SPRED2: variants seen among roughly 807,000 people sequenced by gnomAD.
SPRED2 encodes sprouty related EVH1 domain containing 2, also known as sprouty-related, EVH1 domain-containing protein 2.
A neutral mutation model predicts 43.0 loss-of-function variants in SPRED2; 47 were observed. The observed-to-expected ratio is 1.09, with a 90% CI of 0.87 to 1.40. SPRED2 has a LOEUF of 1.40. Ranked by LOEUF, SPRED2 falls within the 40% of genes most tolerant of loss-of-function variation. The pLI, the probability that SPRED2 is intolerant of heterozygous loss-of-function variation, is 0.00. For missense variants in SPRED2, 561 were observed against 586.4 expected (o/e 0.96, Z 0.45); for synonymous variants, 225 against 225.7 (o/e 1.00, Z 0.03).
At chr2:65,309,414 G>C (rs928837824), downstream of SPRED2, among the ~76,000 whole-genome samples, 1 of 149,462 alleles carries the variant, frequency 6.7e-6, no homozygotes, top group African/African-American at 2.5e-5. Flanking sequence ...GATAAGGTGG[G>C]AGAATCACTT....
intron 4 of SPRED2, among the ~76,000 whole-genome samples, chr2:65,319,863 G>C (rs1027990429): frequency 2.0e-5 from 3 of 152,198 alleles, no homozygotes; most frequent in African/African-American, 7.2e-5. Context: ...GTCACTGGCA[G>C]AGCTGGGACT....
chr2:65,383,228 A>G (rs1317957669), intron 1 of SPRED2, among the ~76,000 whole-genome samples: 1 of 152,186 alleles, frequency 6.6e-6, no homozygotes, highest in African/African-American at 2.4e-5. Context: ...ATACTTGTCT[A>G]TCAGGTCTGA....
chr2:65,428,838 C>T (rs150754613), intron 1 of SPRED2, among the ~76,000 whole-genome samples: 212 of 152,318 alleles, frequency 1.4e-3, no homozygotes, highest in African/African-American at 4.7e-3. Flanking sequence ...CATGATCAAA[C>T]GCTTTAAAGA....
intron 1 of SPRED2, among the ~76,000 whole-genome samples, chr2:65,376,334 C>T (rs1216096043): frequency 6.6e-6 from 1 of 152,316 alleles, no homozygotes; most frequent in East Asian, 1.9e-4. Flanking sequence ...AGAGCAGATT[C>T]TGGACTGTTT....
intron 2 of SPRED2, 146 bp from the exon 3 acceptor site, chr2:65,334,919 T>C: frequency 1.3e-6 from 1 of 780,992 alleles, no homozygotes; most frequent in Non-Finnish European, 2.1e-6. Context: ...GTCTCTCCAA[T>C]GGGAAAGGAG....
intron 4 of SPRED2, among the ~76,000 whole-genome samples, chr2:65,325,020 A>G (rs917790630): frequency 3.9e-5 from 6 of 152,222 alleles, no homozygotes; most frequent in African/African-American, 1.2e-4. Context: ...TGTTTTCTCA[A>G]GGACACTTGG....
At chr2:65,338,298 T>G (rs1448731273) in intron 2 of SPRED2, among the ~76,000 whole-genome samples, 1 of 81,882 alleles carries the variant, frequency 1.2e-5, no homozygotes, top group African/African-American at 3.8e-5. Flanking sequence ...TCCCTCTCCC[T>G]CTCCCGTCTC....
intron 1 of SPRED2, among the ~76,000 whole-genome samples, chr2:65,428,851 G>C (rs1676613084): frequency 6.6e-6 from 1 of 152,206 alleles, no homozygotes; most frequent in Non-Finnish European, 1.5e-5. Context: ...TTTAAAGATA[G>C]TGACAAAATA....
At chr2:65,401,974 C>CA (rs1572895534) in intron 1 of SPRED2, among the ~76,000 whole-genome samples, 1 of 128,556 alleles carries the variant, frequency 7.8e-6, no homozygotes, top group Non-Finnish European at 1.9e-5. Context: ...CACACACACA[C>CA]CTGTTAATTT....
intron 1 of SPRED2, among the ~76,000 whole-genome samples, chr2:65,428,152 C>T (rs1247851676): frequency 6.6e-6 from 1 of 152,168 alleles, no homozygotes; most frequent in African/African-American, 2.4e-5. Flanking sequence ...TATCTCAGTG[C>T]CCTGCAAAGA....
chr2:65,330,890 C>G (rs1572843989), intron 4 of SPRED2, among the ~76,000 whole-genome samples: 1 of 152,112 alleles, frequency 6.6e-6, no homozygotes, highest in African/African-American at 2.4e-5. Flanking sequence ...AATGTTACAA[C>G]AGCTGAATGT....
chr2:65,402,323 C>T (rs899151873), intron 1 of SPRED2, among the ~76,000 whole-genome samples: 11 of 143,548 alleles, frequency 7.7e-5, no homozygotes, highest in Non-Finnish European at 1.7e-4. Context: ...CAAAATAATG[C>T]TATTGGGGAT....
chr2:65,370,699 T>C (rs1389107174), intron 1 of SPRED2, among the ~76,000 whole-genome samples: 1 of 152,194 alleles, frequency 6.6e-6, no homozygotes, highest in Non-Finnish European at 1.5e-5. Context: ...TTCCTTATAA[T>C]GCAAAACACA....
intron 1 of SPRED2, among the ~76,000 whole-genome samples, chr2:65,407,613 T>C (rs1308230879): frequency 6.6e-6 from 1 of 152,200 alleles, no homozygotes; most frequent in African/African-American, 2.4e-5. Context: ...CCTGTTCACA[T>C]GCCTTGGAAA....
At chr2:65,413,336 G>A (rs924343677) in intron 1 of SPRED2, among the ~76,000 whole-genome samples, 4 of 152,118 alleles carry the variant, frequency 2.6e-5, no homozygotes, top group African/African-American at 9.7e-5. Flanking sequence ...GACTGCACAG[G>A]GAGGCCAGCC....
At position 65,426,528 on chromosome 2, in the gene SPRED2, C is replaced by T. The variant is rs576522552; in HGVS notation, c.26+5434G>A. 1.6e-4 allele frequency among the ~76,000 whole-genome samples: 24 copies of T among 152,030 alleles called. No individual in the cohort carries two copies. In the East Asian group the frequency reaches 4.4e-3, roughly 28 times the overall value. On this transcript the variant is annotated intron_variant, in intron 1 of 5. Transcript: ENST00000356388. ...GATGCAGAATCTAGCTGGGTATAAG[C>T]CCAACTTGAAATAATAATTGCCATG...
intron 1 of SPRED2, among the ~76,000 whole-genome samples, chr2:65,349,777 ACT>A (rs891580679): frequency 1.3e-5 from 2 of 152,156 alleles, no homozygotes; most frequent in African/African-American, 4.8e-5. Flanking sequence ...CTTTGCTTGC[ACT>A]CTGAGGCCTC....
In SPRED2 at chr2:65,407,245, C is replaced by CTTTTTTT. The variant is rs70943650; in HGVS notation, c.26+24710_26+24716dup. Among the ~76,000 whole-genome samples, 49 of 120,944 alleles carry CTTTTTTT rather than the reference C, an allele frequency of 4.1e-4. 12 individuals are homozygous for CTTTTTTT. The highest frequency in any genetic ancestry group is 1.5e-3 in the Admixed American group (18 of 12,022). The allele number at this position is 120,944 out of a possible 152,430, so 79.3% of individuals were successfully genotyped here. ...TCTTTCTCAAATGGGGCGCTGGCTC[C>CTTTTTTT]TTTTTTTTTTTTTGCTAAAAGTCCC... On this transcript the variant is annotated intron_variant, in intron 1 of 5. Transcript: ENST00000356388.
intron 1 of SPRED2, among the ~76,000 whole-genome samples, chr2:65,380,190 C>G (rs997821415): frequency 6.6e-6 from 1 of 152,190 alleles, no homozygotes; most frequent in Admixed American, 6.5e-5. Context: ...TCCTTGGATG[C>G]AGAGAACCTT....
Sources: allele counts gnomAD v4.1 joint callset (sites outside exome capture counted in the v4.1 genomes callset), GRCh38; gene constraint gnomAD v4.1.1; transcripts MANE v1.5; gene names NCBI Gene and HGNC (gene_info 2026-07-23, HGNC 2026-07-21).